Variants in ATP2B2 observed in about 807,000 individuals in gnomAD.
The protein encoded by ATP2B2 is plasma membrane calcium-transporting ATPase 2.
ATP2B2 carries 15 observed loss-of-function variants against 120.0 expected under a neutral mutation model. The ratio of observed to expected loss-of-function variants is 0.12; its 90% CI spans 0.08 to 0.19. ATP2B2 has a LOEUF of 0.19. ATP2B2 is among the 10% of genes least tolerant of loss of function. ATP2B2 has a pLI of 1.00. For missense variants in ATP2B2, 1,045 were observed against 1,719.8 expected (o/e 0.61, Z 6.94); for synonymous variants, 694 against 700.3 (o/e 0.99, Z 0.14).
intron 1 of ATP2B2, among the ~76,000 whole-genome samples, chr3:10,702,517 G>A (rs893156099): frequency 2.0e-5 from 3 of 152,128 alleles, no homozygotes; most frequent in African/African-American, 4.8e-5. Context: ...GCACTGACTC[G>A]TTCCCAGGCA....
chr3:10,345,686 G>T (rs1344283707), intron 17 of ATP2B2, 111 bp from the exon 18 acceptor site: 3 of 1,014,534 alleles, frequency 3.0e-6, no homozygotes, highest in East Asian at 2.6e-5. Flanking sequence ...CTCCCAGTGG[G>T]CCCAGCACAG....
chr3:10,638,952 T>C (rs539681695), intron 1 of ATP2B2, among the ~76,000 whole-genome samples: 1 of 152,318 alleles, frequency 6.6e-6, no homozygotes, highest in Non-Finnish European at 1.5e-5. Flanking sequence ...TTAAAATGCA[T>C]GACGCAAATA....
Position 10,328,926 on chromosome 3 carries a change from T to C in ATP2B2, c.3620A>G (p.Asn1207Ser). 6.2e-7 allele frequency: 1 copy of C among 1,613,886 alleles called. No homozygotes were observed. The highest frequency in any genetic ancestry group is 8.5e-7 in the Non-Finnish European group (1 of 1,179,958). ...KQNSSPPSSL[N>S]KNNSAIDSGI... The stretch of plus-strand genomic sequence containing the variant: ...ACTGTCGATGGCGCTGTTGTTCTTG[T>C]TGAGGGATGACGGCGGGCTCGAGTT... The change falls in exon 23 of 23, where the codon AAC (asparagine) becomes AGC (serine). Residue 1207 changes from asparagine to serine, a missense_variant. Asn to Ser is a conservative substitution (Grantham distance 46). Around this residue, in one of 11 missense-constraint regions of ATP2B2, gnomAD observed 211 missense variants for 385.1 expected, o/e 0.55. Coordinates refer to ENST00000360273, the MANE Select transcript of ATP2B2 (RefSeq NM_001001331.4).
At chr3:10,655,164 A>G (rs1052451066) in intron 1 of ATP2B2, among the ~76,000 whole-genome samples, 2 of 152,218 alleles carry the variant, frequency 1.3e-5, no homozygotes, top group Non-Finnish European at 2.9e-5. Flanking sequence ...GTCAAATGGA[A>G]ATGACAAGCT....
intron 8 of ATP2B2, among the ~76,000 whole-genome samples, chr3:10,381,441 C>T (rs1232472496): frequency 6.6e-6 from 1 of 152,198 alleles, no homozygotes; most frequent in Non-Finnish European, 1.5e-5. Flanking sequence ...TTATCAGATG[C>T]AATAGCCGGT....
At chr3:10,524,440 T>G (rs998810718) in intron 3 of ATP2B2, among the ~76,000 whole-genome samples, 3 of 152,282 alleles carry the variant, frequency 2.0e-5, no homozygotes, top group African/African-American at 7.2e-5. Flanking sequence ...GTTAACTCAC[T>G]TGGCCAAAGT....
chr3:10,701,569 T>A (rs1301013850), intron 1 of ATP2B2, among the ~76,000 whole-genome samples: 1 of 152,132 alleles, frequency 6.6e-6, no homozygotes, highest in Admixed American at 6.6e-5. Flanking sequence ...ATTCATCCAA[T>A]GTACATTTAT....
intron 2 of ATP2B2, among the ~76,000 whole-genome samples, chr3:10,573,762 G>A (rs1200000045): frequency 6.6e-6 from 1 of 152,188 alleles, no homozygotes; most frequent in Non-Finnish European, 1.5e-5. Context: ...TGCTGGTAGA[G>A]TGCCCCATTC....
intron 1 of ATP2B2, among the ~76,000 whole-genome samples, chr3:10,488,234 T>C (rs56025532): frequency 0.35 from 37,184 of 107,046 alleles, 6,003 homozygotes; most frequent in East Asian, 0.56. Flanking sequence ...CTCATCCACC[T>C]ATCCATCCAT....
rs2071050366 is a variant in ATP2B2, at chr3:10,669,908, A to ACCCAAG, written c.-460+38006_-460+38007insCTTGGG. Reference sequence around the variant, plus strand: ...GATTCATTCACAAGGTAAAAGCCAAAGTTAATCCCAACAGGCGGAAGCACT... The same window carrying ACCCAAG: ...GATTCATTCACAAGGTAAAAGCCAAACCCAAGGTTAATCCCAACAGGCGGAAGCACT... On this transcript the variant is annotated intron_variant, in intron 1 of 21. Coordinates refer to the ATP2B2 transcript ENST00000646379. Among the ~76,000 whole-genome samples, 5 of 152,214 alleles carry ACCCAAG rather than the reference A, an allele frequency of 3.3e-5. No homozygotes were observed. In the South Asian group the frequency reaches 1.0e-3, roughly 31 times the overall value.
At chr3:10,555,211 C>G (rs777720295) in intron 2 of ATP2B2, among the ~76,000 whole-genome samples, 2 of 152,248 alleles carry the variant, frequency 1.3e-5, no homozygotes, top group Non-Finnish European at 2.9e-5. Flanking sequence ...TCTTAGATTT[C>G]TCTCAGCCAG....
intron 1 of ATP2B2, among the ~76,000 whole-genome samples, chr3:10,698,707 G>A (rs1364076624): frequency 3.9e-5 from 6 of 152,224 alleles, no homozygotes; most frequent in African/African-American, 1.4e-4. Flanking sequence ...TGCAAAGACT[G>A]GAGGCACGAG....
At chr3:10,574,835 G>A (rs1200281074) in intron 2 of ATP2B2, among the ~76,000 whole-genome samples, 3 of 152,150 alleles carry the variant, frequency 2.0e-5, no homozygotes, top group African/African-American at 4.8e-5. Flanking sequence ...GAGACTGCAC[G>A]GTAGGGGAAG....
intron 1 of ATP2B2, among the ~76,000 whole-genome samples, chr3:10,660,970 C>A (rs2070763229): frequency 6.6e-6 from 1 of 152,176 alleles, no homozygotes; most frequent in Non-Finnish European, 1.5e-5. Context: ...CGTAACCCAG[C>A]ATATAAACAG....
At chr3:10,596,497 G>C (rs1316601813) in intron 2 of ATP2B2, among the ~76,000 whole-genome samples, 1 of 152,206 alleles carries the variant, frequency 6.6e-6, no homozygotes, top group Non-Finnish European at 1.5e-5. Flanking sequence ...AGATGCCAAG[G>C]CTTTGAAATC....
chr3:10,426,885 A>G, intron 2 of ATP2B2, among the ~76,000 whole-genome samples: 1 of 150,814 alleles, frequency 6.6e-6, no homozygotes, highest in Admixed American at 6.6e-5. Context: ...GGGTGGGGGG[A>G]AGATGGTGAT....
In ATP2B2 at chr3:10,407,892, T is replaced by C. The variant is rs115848374; in HGVS notation, c.397+2726A>G. On this transcript the variant is annotated intron_variant, in intron 3 of 22. Transcript: ENST00000360273. ...GGGCAAGTGCTATCATTCACCCCCT[T>C]TTATGGATGAAGACACTGAAGCTGA... 4.3e-3 allele frequency among the ~76,000 whole-genome samples: 658 copies of C among 152,252 alleles called. 6 individuals carry two copies. The highest frequency in any genetic ancestry group is 0.015 in the African/African-American group (616 of 41,538).
intron 1 of ATP2B2, among the ~76,000 whole-genome samples, chr3:10,460,534 G>T (rs924308488): frequency 3.3e-5 from 5 of 152,196 alleles, no homozygotes; most frequent in African/African-American, 1.2e-4. Context: ...CACCTAGGGT[G>T]CTGGGTGTAG....
At chr3:10,391,093 A>G (rs2061835234) in intron 5 of ATP2B2, among the ~76,000 whole-genome samples, 1 of 152,176 alleles carries the variant, frequency 6.6e-6, no homozygotes, top group Admixed American at 6.5e-5. Flanking sequence ...GGGCACAGAA[A>G]GCAGTAACAG....
Sources: gnomAD v4.1 joint callset for allele counts (sites outside exome capture counted in the v4.1 genomes callset) on GRCh38, gnomAD v4.1.1 for gene constraint, gnomAD v4.1.1 regional missense constraint, MANE v1.5 for transcripts, NCBI Gene and HGNC (gene_info 2026-07-23, HGNC 2026-07-21) for gene names.